IFT88: variants seen among roughly 807,000 people sequenced by gnomAD.
IFT88 encodes the protein intraflagellar transport 88.
In IFT88, 74 loss-of-function variants were observed where a neutral mutation model predicts 119.5. The observed-to-expected ratio is 0.62, with a 90% CI of 0.51 to 0.75. The LOEUF is 0.75. Ranked by LOEUF, IFT88 falls within the 30% of genes least tolerant of loss-of-function variation. IFT88 has a pLI of 0.00. For missense variants in IFT88, 961 were observed against 977.7 expected (o/e 0.98, Z 0.23); for synonymous variants, 279 against 316.7 (o/e 0.88, Z 1.26).
intron 13 of IFT88, chr13:20,614,489 T>A (rs1164767841): frequency 6.6e-6 from 1 of 152,210 alleles, no homozygotes; most frequent in Non-Finnish European, 1.5e-5. Context: ...ATAACCTTAT[T>A]CTTTATATAT....
At chr13:20,590,100 T>C (rs1167848279) in intron 4 of IFT88, among the ~76,000 whole-genome samples, 1 of 152,188 alleles carries the variant, frequency 6.6e-6, no homozygotes, top group Non-Finnish European at 1.5e-5. Flanking sequence ...GTAAACCCTG[T>C]GTTCGTTGAC....
intron 23 of IFT88, among the ~76,000 whole-genome samples, chr13:20,668,177 G>A (rs2055077835): frequency 6.6e-6 from 1 of 152,192 alleles, no homozygotes; most frequent in Middle Eastern, 3.2e-3. Context: ...ATACCCGGTG[G>A]GGCATCACAG....
chr13:20,607,128 C>T (rs2043621488), intron 13 of IFT88: 14 of 399,808 alleles, frequency 3.5e-5, no homozygotes, highest in Middle Eastern at 4.8e-4. Context: ...TTCCCGGTGA[C>T]TGTGTCCTTG....
intron 24 of IFT88, among the ~76,000 whole-genome samples, chr13:20,687,335 G>A (rs534573454): frequency 3.9e-5 from 6 of 152,218 alleles, no homozygotes; most frequent in East Asian, 1.9e-4. Context: ...TTTGTGGGGC[G>A]AGCCAAACTG....
chr13:20,683,616 G>A (rs565100637), intron 24 of IFT88, among the ~76,000 whole-genome samples: 3 of 152,234 alleles, frequency 2.0e-5, no homozygotes, highest in South Asian at 2.1e-4. Context: ...TTGGCCATGC[G>A]GATGGCCAGT....
intron 1 of IFT88, chr13:20,567,885 A>G: frequency 1.6e-6 from 1 of 624,464 alleles, no homozygotes; most frequent in Non-Finnish European, 2.6e-6. Context: ...TTTTTTCGAG[A>G]AACTGCAGTA....
At chr13:20,608,306 T>A (rs954473094) in intron 13 of IFT88, among the ~76,000 whole-genome samples, 2 of 152,220 alleles carry the variant, frequency 1.3e-5, no homozygotes, top group Non-Finnish European at 2.9e-5. Context: ...TGGCGCCCCA[T>A]GAGCCACAGG....
At chr13:20,618,763 G>GT (rs2046037647) in intron 14 of IFT88, among the ~76,000 whole-genome samples, 1 of 151,910 alleles carries the variant, frequency 6.6e-6, no homozygotes, top group Admixed American at 6.6e-5. Flanking sequence ...AGAAAACTTA[G>GT]TTCTGCAATT....
At position 20,596,125 on chromosome 13, in the gene IFT88, T is replaced by G. The variant is rs200409017; in HGVS notation, c.399-25T>G. ...ATTTTTAGAGGTTGAATGATTTAAATTGTACCTGCTTTTGTCTTTAATAGC... is the reference window on the plus strand; with the variant it reads ...ATTTTTAGAGGTTGAATGATTTAAAGTGTACCTGCTTTTGTCTTTAATAGC... On this transcript the variant is annotated intron_variant, in intron 7 of 25. Transcript: ENST00000351808. 1.4e-4 allele frequency: 121 copies of G among 865,436 alleles called. 1 individual carries two copies. In the African/African-American group the frequency reaches 1.8e-3, roughly 13 times the overall value. The allele number at this position is 865,436 out of a possible 1,614,324, so 53.6% of individuals were successfully genotyped here. A position where few individuals can be genotyped will look rare whatever the true frequency, so the allele number is the denominator to read the frequency against.
chr13:20,678,100 C>T (rs1482473003), intron 24 of IFT88, among the ~76,000 whole-genome samples: 1 of 152,190 alleles, frequency 6.6e-6, no homozygotes, highest in Non-Finnish European at 1.5e-5. Flanking sequence ...AGAAAGCAGT[C>T]TCAGTGTACT....
intron 11 of IFT88, among the ~76,000 whole-genome samples, chr13:20,600,301 T>C (rs1047165058): frequency 2.0e-5 from 3 of 152,052 alleles, no homozygotes; most frequent in African/African-American, 7.2e-5. Flanking sequence ...TTGAGTAACA[T>C]ATATTAAGTG....
rs964623824 is a variant in IFT88 at position 20,691,276 on chromosome 13, C to T, written c.*101C>T. ...TCTAACCTGTAATTATTTTTTTTCA[C>T]TGTCAAAACTTAAGTAAGTGTATTC... is the stretch of plus-strand genomic sequence containing the variant. On this transcript the variant is annotated 3_prime_UTR_variant, in exon 26 of 26. Coordinates refer to ENST00000351808, the MANE Select transcript of IFT88 (RefSeq NM_006531.5). The T allele has an allele frequency of 8.2e-6, 9 of 1,091,976 alleles. No homozygotes were observed. Among genetic ancestry groups the T allele is most frequent in the Non-Finnish European group, 1.2e-5 (9 of 778,140 alleles). The allele number at this position is 1,091,976 out of a possible 1,614,324, so 67.6% of individuals were successfully genotyped here.
intron 2 of IFT88, among the ~76,000 whole-genome samples, chr13:20,582,129 G>T (rs2038808771): frequency 1.3e-5 from 2 of 152,124 alleles, no homozygotes; most frequent in Admixed American, 6.6e-5. Context: ...AAGGGTTAAA[G>T]CCGGAGTGTG....
chr13:20,583,827 AATTC>A (rs933969222), intron 3 of IFT88, among the ~76,000 whole-genome samples: 1 of 152,154 alleles, frequency 6.6e-6, no homozygotes, highest in Non-Finnish European at 1.5e-5. Context: ...TAAAGGTCCA[AATTC>A]ATTATTTTGC....
chr13:20,602,040 C>A (rs1013612394), intron 12 of IFT88, 107 bp downstream of exon 12: 52 of 652,674 alleles, frequency 8.0e-5, no homozygotes, highest in Non-Finnish European at 1.3e-4. Flanking sequence ...TTTCCCAGGC[C>A]TGTATCAATG....
Position 20,690,825 on chromosome 13 carries a change from C to G in IFT88, c.2353+10C>G. ...AGTAACAAAGAAATAGGCAAGTACT[C>G]TCCACCCAGTTCCTCCAGGCATAGC... On this transcript the variant is annotated intron_variant, in intron 25 of 25. Coordinates refer to ENST00000351808, the MANE Select transcript of IFT88 (RefSeq NM_006531.5). The G allele has an allele frequency of 6.3e-7, 1 of 1,577,332 alleles. No homozygotes were observed. The highest frequency in any genetic ancestry group is 1.1e-5 in the South Asian group (1 of 90,284).
At position 20,594,880 on chromosome 13, in the gene IFT88, T is replaced by C. The variant is rs144854762; in HGVS notation, c.399-1270T>C. 7.9e-4 allele frequency among the ~76,000 whole-genome samples: 120 copies of C among 152,334 alleles called. 1 individual carries two copies. The highest frequency in any genetic ancestry group is 2.8e-3 in the African/African-American group (118 of 41,582). On this transcript the variant is annotated intron_variant, in intron 7 of 25. Transcript: ENST00000351808. The stretch of plus-strand genomic sequence containing the variant: ...CTGCTCAATTTATTTCTATATACTT[T>C]TATAAAATCCATTTGTAGAGAATTA...
intron 3 of IFT88, among the ~76,000 whole-genome samples, chr13:20,588,342 G>A (rs555566848): frequency 6.6e-6 from 1 of 152,078 alleles, no homozygotes; most frequent in South Asian, 2.1e-4. Flanking sequence ...GTTAAGCATA[G>A]TTATGTTAAA....
chr13:20,621,347 G>T (rs940406068), intron 14 of IFT88, among the ~76,000 whole-genome samples: 1 of 152,028 alleles, frequency 6.6e-6, no homozygotes, highest in African/African-American at 2.4e-5. Context: ...GATTACAGGC[G>T]TGAGCCACCA....
Sources: allele counts gnomAD v4.1 joint callset (sites outside exome capture counted in the v4.1 genomes callset), GRCh38; gene constraint gnomAD v4.1.1; transcripts MANE v1.5; gene names NCBI Gene and HGNC (gene_info 2026-07-23, HGNC 2026-07-21).